The following EPN3 variants were observed in gnomAD, a reference collection of about 807,000 sequenced individuals.
EPN3 encodes the protein epsin-3.
In EPN3, 56 loss-of-function variants were observed where a neutral mutation model predicts 55.5. That is an observed-to-expected ratio of 1.01 (90% CI 0.81 to 1.26). The LOEUF is 1.26. Ranked by LOEUF, EPN3 falls within the 50% of genes most tolerant of loss-of-function variation. EPN3 has a pLI of 0.00. For missense variants in EPN3, 927 were observed against 853.4 expected, an observed-to-expected ratio of 1.09 and a Z score of -1.07; for synonymous variants, 449 against 375.2, an observed-to-expected ratio of 1.20 and a Z score of -2.27.
Position 50,532,895 on chromosome 17 carries a change from G to A in EPN3, c.-227G>A, listed in dbSNP as rs542754638. The A allele has an allele frequency of 5.9e-5, 76 of 1,286,000 alleles. No individual in the cohort carries two copies. The African/African-American group carries it at 1.1e-3, about 18-fold the overall frequency. The allele number at this position is 1,286,000 out of a possible 1,614,324, so 79.7% of individuals were successfully genotyped here. The stretch of plus-strand genomic sequence containing the variant: ...GGTGGATGGCTCTGGAGACGCTCCC[G>A]AGGCTGTGCCGTCCCGCTGCTGCAC... On this transcript the variant is annotated 5_prime_UTR_variant, in exon 1 of 10. Transcript: ENST00000268933.
In EPN3 at chr17:50,541,685, T is replaced by C; in HGVS notation, c.1576T>C (p.Phe526Leu). 1 of 1,614,002 alleles carries C rather than the reference T, an allele frequency of 6.2e-7. No homozygotes were observed. The highest frequency in any genetic ancestry group is 8.5e-7 in the Non-Finnish European group (1 of 1,179,958). Residue 526 changes from phenylalanine to leucine, a missense_variant, in exon 9 of 10, where the codon TTC becomes CTC. Physicochemically the swap from Phe to Leu is conservative, Grantham distance 22. Transcript: ENST00000268933. ...CCAGGTTGCAAAGACCCGGAACCCC[T>C]TCCTGACAGGTAAGATATGCCCTTG... ...APQVAKTRNP[F>L]LTGLSAPSPT...
At chr17:50,539,104 C>T in intron 4 of EPN3, 83 bp from the exon 5 acceptor site, 1 of 1,586,170 alleles carries the variant, frequency 6.3e-7, no homozygotes, top group African/African-American at 1.3e-5. Context: ...CCTGCACTCT[C>T]TCGACTCCAG....
intron 5 of EPN3, 172 bp from the exon 6 acceptor site, chr17:50,540,074 GT>G (rs1388453999): frequency 8.8e-5 from 43 of 490,148 alleles, no homozygotes; most frequent in Non-Finnish European, 1.4e-5. Flanking sequence ...CAGGTACTCT[GT>G]GGATGAAGAA....
rs202224894 is a variant in EPN3, at chr17:50,541,885, G to A, written c.1627G>A (p.Glu543Lys). 1.0e-4 allele frequency: 160 copies of A among 1,607,730 alleles called. No homozygotes were observed. Among genetic ancestry groups the A allele is most frequent in the Middle Eastern group, 5.0e-4 (3 of 6,060 alleles). ...PSPTNPFGAGEPGRPTLNQMR... is the reference protein window; with the variant it reads ...PSPTNPFGAGKPGRPTLNQMR... ...CCCCACCAACCCGTTCGGCGCGGGC[G>A]AGCCGGGCAGGCCGACGCTAAACCA... Residue 543 changes from glutamate to lysine, a missense_variant, in exon 10 of 10, where the codon GAG becomes AAG. By Grantham distance (56) the Glu-to-Lys change is moderately conservative. Coordinates refer to ENST00000268933, the MANE Select transcript of EPN3 (RefSeq NM_017957.3).
Position 50,538,315 on chromosome 17 carries a change from G to C in EPN3, c.681+118G>C. The C allele has an allele frequency of 8.0e-6, 6 of 749,346 alleles. No individual in the cohort carries two copies. The South Asian group carries it at 8.6e-5, about 11-fold the overall frequency. 46.4% of individuals were successfully genotyped at this position (749,346 alleles called of 1,614,324 possible). On this transcript the variant is annotated intron_variant, in intron 3 of 9. Coordinates refer to ENST00000268933, the MANE Select transcript of EPN3 (RefSeq NM_017957.3). ...CCCAAAGCCCCAGTCCTGTGCCCAA[G>C]GACAGCACAAGACCCATTATCTCTG...
In EPN3 at chr17:50,538,462, T is replaced by C. The variant is rs111730841; in HGVS notation, c.681+265T>C. ...TCTTGGGGTGCCTGCTACCACCTCATGGTGGAGTGGGTGAGTGTGCTCAGA... is the reference window on the plus strand; with the variant it reads ...TCTTGGGGTGCCTGCTACCACCTCACGGTGGAGTGGGTGAGTGTGCTCAGA... On this transcript the variant is annotated intron_variant, in intron 3 of 9. Transcript: ENST00000268933. 2,019 of 519,090 alleles carry C rather than the reference T, an allele frequency of 3.9e-3. 24 individuals carry two copies. Among genetic ancestry groups the C allele is most frequent in the African/African-American group, 0.034 (1,756 of 51,880 alleles). 32.2% of individuals were successfully genotyped at this position (519,090 alleles called of 1,614,324 possible). A position where few individuals can be genotyped will look rare whatever the true frequency, so the allele number is the denominator to read the frequency against.
intron 5 of EPN3, among the ~76,000 whole-genome samples, chr17:50,539,589 T>G (rs988622394): frequency 3.9e-5 from 6 of 152,220 alleles, no homozygotes; most frequent in African/African-American, 7.2e-5. Context: ...GGCATGTCAC[T>G]GTCATGGCCT....
Position 50,536,737 on chromosome 17 carries a change from T to TGGCGGCGGCTCAATGAC in EPN3, c.182_198dup (p.Ser67GlyfsTer18), listed in dbSNP as rs1235215638. On this transcript the variant is annotated frameshift_variant, in exon 2 of 10. Coordinates refer to ENST00000268933, the MANE Select transcript of EPN3 (RefSeq NM_017957.3). LOFTEE classifies it high-confidence loss of function. ...CTTCACCGAAGTCATGGGCATGCTG[T>TGGCGGCGGCTCAATGAC]GGCGGCGGCTCAATGACAGCGGCAA... 6.2e-7 allele frequency: 1 copy of TGGCGGCGGCTCAATGAC among 1,614,126 alleles called. No homozygotes were observed. Among genetic ancestry groups the TGGCGGCGGCTCAATGAC allele is most frequent in the Non-Finnish European group, 8.5e-7 (1 of 1,180,030 alleles).
intron 2 of EPN3, 41 bp from the exon 3 acceptor site, chr17:50,538,038 T>G: frequency 1.3e-6 from 2 of 1,501,468 alleles, no homozygotes; most frequent in Non-Finnish European, 1.9e-6. Context: ...TGGGAGCCGA[T>G]GGGTAATCGT....
rs1191735239 is a variant in EPN3 at position 50,542,246 on chromosome 17, T to C, written c.*89T>C. 7.5e-7 allele frequency: 1 copy of C among 1,328,712 alleles called. No homozygotes were observed. Among genetic ancestry groups the C allele is most frequent in the Non-Finnish European group, 9.7e-7 (1 of 1,030,076 alleles). The allele number at this position is 1,328,712 out of a possible 1,614,324, so 82.3% of individuals were successfully genotyped here. A position where few individuals can be genotyped will look rare whatever the true frequency, so the allele number is the denominator to read the frequency against. On this transcript the variant is annotated 3_prime_UTR_variant, in exon 10 of 10. Coordinates refer to ENST00000268933, the MANE Select transcript of EPN3 (RefSeq NM_017957.3). ...CCGGGGCTGGGCGGGGCGCCGGTGC[T>C]AGTGGAACGCCGAGCCAGTGGCGGC...
chr17:50,541,153 A>G, intron 7 of EPN3, 76 bp from the exon 8 acceptor site: 1 of 1,602,948 alleles, frequency 6.2e-7, no homozygotes, highest in Middle Eastern at 1.7e-4. Context: ...TTAGGAGGAC[A>G]GCTTCTCTGG....
chr17:50,538,409 G>T, intron 3 of EPN3: 1 of 573,688 alleles, frequency 1.7e-6, no homozygotes, highest in Non-Finnish European at 3.1e-6. Flanking sequence ...AAAGGGTGGC[G>T]AGTGTACAAT....
Position 50,536,441 on chromosome 17 carries a change from T to TGC in EPN3, c.-115_-114dup. On this transcript the variant is annotated 5_prime_UTR_variant, in exon 2 of 10. An upstream open reading frame in the 5' UTR loses its in-frame stop. Transcript: ENST00000268933. ...CTCAGCCCCATGTGGAACCCAAGGA[T>TGC]GCAGCTGCTCTGCTAACACGGCAGC... The TGC allele has an allele frequency of 6.5e-7, 1 of 1,542,264 alleles. No individual in the cohort carries two copies. The highest frequency in any genetic ancestry group is 1.4e-5 in the African/African-American group (1 of 72,580).
intron 2 of EPN3, 65 bp from the exon 3 acceptor site, chr17:50,538,014 C>T: frequency 1.5e-6 from 2 of 1,317,768 alleles, no homozygotes; most frequent in Non-Finnish European, 2.2e-6. Flanking sequence ...AGCTTCCTGG[C>T]AGGCAGAGGG....
chr17:50,534,684 C>A (rs1257735014), intron 1 of EPN3: 1 of 977,150 alleles, frequency 1.0e-6, no homozygotes, highest in Non-Finnish European at 1.2e-6. Context: ...GCACTCTCCA[C>A]CTCGCCCACT....
At chr17:50,539,034 C>T (rs2034807178) in intron 4 of EPN3, 70 bp downstream of exon 4, 1 of 1,537,968 alleles carries the variant, frequency 6.5e-7, no homozygotes, top group Non-Finnish European at 8.8e-7. Context: ...AGGGCACTAA[C>T]AGCCTCCTCC....
At position 50,542,014 on chromosome 17, in the gene EPN3, G is replaced by C. The variant is rs746086635; in HGVS notation, c.1756G>C (p.Val586Leu). The C allele has an allele frequency of 7.3e-5, 116 of 1,597,626 alleles. No homozygotes were observed. The highest frequency in any genetic ancestry group is 9.7e-5 in the Non-Finnish European group (114 of 1,178,764). Reference protein sequence around the residue: ...SASLPLPLSSVPAGLTLPASV... With the variant: ...SASLPLPLSSLPAGLTLPASV... ...CTCTCTGCCCCTCCCGCTCAGCAGC[G>C]TGCCAGCTGGCTTGACCCTCCCCGC... Residue 586 changes from valine to leucine, a missense_variant, in exon 10 of 10, where the codon GTG becomes CTG. Val to Leu is a conservative substitution (Grantham distance 32). Coordinates refer to ENST00000268933, the MANE Select transcript of EPN3 (RefSeq NM_017957.3).
rs2034875704 is a variant in EPN3 at position 50,543,574 on chromosome 17, T to G, written c.*1417T>G. On this transcript the variant is annotated 3_prime_UTR_variant, in exon 10 of 10. Transcript: ENST00000268933. ...CACAATGCCACTCCCCTTCCTGAGG[T>G]GGGGGTAGGGGAAGGGAGTCCCACA... 6.6e-6 allele frequency: 1 copy of G among 151,826 alleles called. No homozygotes were observed. The highest frequency in any genetic ancestry group is 2.4e-5 in the African/African-American group (1 of 41,272). 9.4% of individuals were successfully genotyped at this position (151,826 alleles called of 1,614,324 possible). A position where few individuals can be genotyped will look rare whatever the true frequency, so the allele number is the denominator to read the frequency against.
chr17:50,533,259 C>T (rs1262980995), intron 1 of EPN3, among the ~76,000 whole-genome samples: 2 of 152,188 alleles, frequency 1.3e-5, no homozygotes, highest in Non-Finnish European at 2.9e-5. Context: ...TCCTTCTGCA[C>T]ATCTCTGCTG....
Sources: allele counts gnomAD v4.1 joint callset (sites outside exome capture counted in the v4.1 genomes callset), GRCh38; gene constraint gnomAD v4.1.1; transcripts MANE v1.5; gene names NCBI Gene and HGNC (gene_info 2026-07-23, HGNC 2026-07-21).